Variants in PLB1 observed in about 807,000 individuals in gnomAD.
PLB1 encodes phospholipase B1, membrane-associated.
PLB1 carries 242 observed loss-of-function variants against 227.4 expected under a neutral mutation model. The ratio of observed to expected loss-of-function variants is 1.06; its 90% confidence interval spans 0.96 to 1.18. The LOEUF (loss-of-function observed/expected upper bound fraction) is 1.18, where lower values mean the gene tolerates loss of function less well. Among genes scored for constraint, PLB1 ranks in the 50% most tolerant of loss-of-function variants. The pLI is 0.00. For synonymous variants in PLB1, 757 were observed against 682.2 expected (o/e 1.11, Z -1.71); for missense variants, 1,858 against 1,816.3 (o/e 1.02, Z -0.42).
chr2:28,563,378 T>A (rs927973916), intron 18 of PLB1, among the ~76,000 whole-genome samples: 2 of 151,798 alleles, frequency 1.3e-5, no homozygotes, highest in Admixed American at 1.3e-4. Context: ...GGAGTGTGGG[T>A]GACAGGAGTG....
intron 9 of PLB1, among the ~76,000 whole-genome samples, chr2:28,537,220 G>A (rs1277233728): frequency 2.6e-5 from 4 of 152,156 alleles, no homozygotes; most frequent in Non-Finnish European, 5.9e-5. Flanking sequence ...GCCAGCCCAG[G>A]TGATTGACAG....
chr2:28,618,298 TACCCCCA>T, intron 45 of PLB1, 36 bp from the exon 46 acceptor site: 1 of 1,566,596 alleles, frequency 6.4e-7, no homozygotes, highest in East Asian at 2.2e-5. Flanking sequence ...AAGAGGTAGA[TACCCCCA>T]GCCCCCACAA....
chr2:28,525,143 G>T (rs1670060227), intron 4 of PLB1, 124 bp from the exon 5 acceptor site: 2 of 835,256 alleles, frequency 2.4e-6, no homozygotes, highest in African/African-American at 3.4e-5. Flanking sequence ...GAGCCACCAA[G>T]CCTGGGCTTG....
At chr2:28,515,839 G>A (rs1213854038) in intron 1 of PLB1, among the ~76,000 whole-genome samples, 3 of 152,184 alleles carry the variant, frequency 2.0e-5, no homozygotes, top group African/African-American at 4.8e-5. Context: ...TTAAATCTCA[G>A]TATCATTAAT....
chr2:28,557,469 G>C (rs182188667), intron 17 of PLB1, among the ~76,000 whole-genome samples: 67 of 152,314 alleles, frequency 4.4e-4, no homozygotes, highest in Admixed American at 1.1e-3. Context: ...ATGTTTTTCA[G>C]ATTAGGGCCC....
In PLB1 at chr2:28,606,564, T is replaced by C. The variant is rs1486571096; in HGVS notation, c.3126T>C (p.Thr1042=). The C allele has an allele frequency of 1.2e-6, 2 of 1,614,016 alleles. No homozygotes were observed. Among genetic ancestry groups the C allele is most frequent in the Non-Finnish European group, 1.7e-6 (2 of 1,179,906 alleles). Reference sequence around the variant, plus strand: ...CAGAGATGCCCATCACCTGTCCCACTCAGGTAGTAGGGGAGGACCTGCCTG... The same window carrying C: ...CAGAGATGCCCATCACCTGTCCCACCCAGGTAGTAGGGGAGGACCTGCCTG... ...LRAEMPITCP[T]QNEPFLRTPR... The change falls in exon 43 of 58, where the codon ACT becomes ACC. Residue 1042 remains threonine (T), a synonymous_variant. Coordinates refer to ENST00000327757, the MANE Select transcript of PLB1 (RefSeq NM_153021.5).
At chr2:28,529,292 G>T (rs75510757) in intron 6 of PLB1, 25 bp from the exon 7 acceptor site, 50,022 of 1,548,762 alleles carry the variant, frequency 0.032, 1,137 homozygotes, top group Middle Eastern at 0.072. Flanking sequence ...TGAAGGCCAG[G>T]GCCTCAAACC....
chr2:28,559,247 A>G (rs573985739), intron 17 of PLB1, among the ~76,000 whole-genome samples: 1 of 152,302 alleles, frequency 6.6e-6, no homozygotes, highest in African/African-American at 2.4e-5. Context: ...CATCAGCATT[A>G]CCTGGAAACT....
At position 28,497,513 on chromosome 2, in the gene PLB1, T is replaced by C. The variant is rs558339747; in HGVS notation, c.55+1344T>C. On this transcript the variant is annotated intron_variant, in intron 1 of 57. Transcript: ENST00000327757. ...AGGCACGGCATCTGAAGTTATCCAG[T>C]TGGGAGTGTATCTGGCTTTCTCTGA... Among the ~76,000 whole-genome samples, 4 of 152,176 alleles carry C rather than the reference T, an allele frequency of 2.6e-5. No individual in the cohort carries two copies. The East Asian group carries it at 5.8e-4, about 22-fold the overall frequency.
intron 14 of PLB1, chr2:28,548,384 G>T: frequency 3.3e-6 from 1 of 304,116 alleles, no homozygotes. Flanking sequence ...GAAAGTAGCT[G>T]GGCAGCAAGG....
At chr2:28,513,864 C>T (rs1668547504) in intron 1 of PLB1, among the ~76,000 whole-genome samples, 1 of 152,206 alleles carries the variant, frequency 6.6e-6, no homozygotes, top group Non-Finnish European at 1.5e-5. Flanking sequence ...ACTCTGGACC[C>T]AGCCCCAACC....
rs372322976 is a variant in PLB1 at position 28,598,063 on chromosome 2, G to A, written c.2365+15G>A. ...CACCTTACCTAGTAAGTAACCATCA[G>A]GGGCTTGAATCTGTCTACTGTTCCA... On this transcript the variant is annotated intron_variant, in intron 34 of 57. Transcript: ENST00000327757. 11 of 1,608,630 alleles carry A rather than the reference G, an allele frequency of 6.8e-6. No individual in the cohort carries two copies. The highest frequency in any genetic ancestry group is 9.4e-6 in the Non-Finnish European group (11 of 1,176,266).
intron 46 of PLB1, 32 bp from the exon 47 acceptor site, chr2:28,620,233 C>G (rs1037872062): frequency 1.3e-6 from 2 of 1,542,164 alleles, no homozygotes; most frequent in Admixed American, 1.8e-5. Context: ...AGCCTATACC[C>G]CAGCCCTGAA....
chr2:28,589,368 C>A, intron 26 of PLB1, 82 bp from the exon 27 acceptor site: 1 of 1,032,606 alleles, frequency 9.7e-7, no homozygotes, highest in Non-Finnish European at 1.5e-6. Context: ...CTGTTTAATT[C>A]TGTGTTGGAG....
chr2:28,567,686 A>G (rs1950013), intron 20 of PLB1, among the ~76,000 whole-genome samples: 2 of 151,728 alleles, frequency 1.3e-5, no homozygotes, highest in Admixed American at 6.6e-5. Flanking sequence ...GTTGGCCAGG[A>G]TGGTCTCGAT....
intron 45 of PLB1, among the ~76,000 whole-genome samples, chr2:28,618,083 C>T (rs1005442725): frequency 6.6e-6 from 1 of 152,136 alleles, no homozygotes; most frequent in Non-Finnish European, 1.5e-5. Context: ...TGCTACATGA[C>T]CCTGCAGCTG....
Position 28,582,049 on chromosome 2 carries a change from A to G in PLB1, c.1567-19A>G. 6.2e-7 allele frequency: 1 copy of G among 1,607,382 alleles called. No individual in the cohort carries two copies. The highest frequency in any genetic ancestry group is 8.5e-7 in the Non-Finnish European group (1 of 1,174,042). ...TTAGGTGACAAATGGTGTTCAAGGG[A>G]CACTTCCTCTTCCTGCAGGTCCACT... On this transcript the variant is annotated intron_variant, in intron 23 of 57. Transcript: ENST00000327757.
chr2:28,550,392 T>G (rs1674042686), intron 16 of PLB1, among the ~76,000 whole-genome samples: 2 of 151,904 alleles, frequency 1.3e-5, no homozygotes. Context: ...GCCAGGCTGG[T>G]CTTGAAATCC....
chr2:28,577,286 T>C (rs530900074), intron 21 of PLB1, among the ~76,000 whole-genome samples: 1 of 152,202 alleles, frequency 6.6e-6, no homozygotes, highest in Non-Finnish European at 1.5e-5. Context: ...TGATCTTGTC[T>C]CCATTTTGTA....
Sources: allele counts gnomAD v4.1 joint callset (sites outside exome capture counted in the v4.1 genomes callset), GRCh38; gene constraint gnomAD v4.1.1; transcripts MANE v1.5; gene names NCBI Gene and HGNC (gene_info 2026-07-23, HGNC 2026-07-21).